Variants in PDE4D observed in about 807,000 individuals in gnomAD.
PDE4D encodes 3',5'-cyclic-AMP phosphodiesterase 4D.
Under a neutral mutation model 87.4 loss-of-function variants are expected in PDE4D, and 24 were observed. That is an observed-to-expected ratio of 0.27 (90% CI 0.20 to 0.39). The LOEUF (loss-of-function observed/expected upper bound fraction) is 0.39. Among genes scored for constraint, PDE4D ranks in the 10% least tolerant of loss-of-function variants. The probability of loss-of-function intolerance (pLI) is 1.00; values close to 1 mark genes in which losing one functional copy is unlikely to be tolerated. For synonymous variants in PDE4D, 384 were observed against 383.2 expected (o/e 1.00, Z -0.02); for missense variants, 714 against 1,041.0 (o/e 0.69, Z 4.32).
At chr5:59,376,065 C>T (rs1784676671) in intron 1 of PDE4D, among the ~76,000 whole-genome samples, 1 of 152,128 alleles carries the variant, frequency 6.6e-6, no homozygotes, top group Non-Finnish European at 1.5e-5. Context: ...CAATGATATA[C>T]CCACAGTCAA....
At chr5:59,012,014 G>A (rs2936199) in intron 6 of PDE4D, among the ~76,000 whole-genome samples, 127,621 of 152,142 alleles carry the variant, frequency 0.84, 53,606 homozygotes, top group Admixed American at 0.9. Flanking sequence ...ATTCTTAAAG[G>A]AAAGAATTTT....
chr5:59,390,816 C>T (rs1209201457), intron 1 of PDE4D, among the ~76,000 whole-genome samples: 3 of 151,970 alleles, frequency 2.0e-5, no homozygotes, highest in Non-Finnish European at 4.4e-5. Context: ...ATAAAATGGC[C>T]TCCCATTAGA....
intron 1 of PDE4D, among the ~76,000 whole-genome samples, chr5:59,686,454 T>A (rs562531523): frequency 5.3e-4 from 81 of 152,284 alleles, no homozygotes; most frequent in African/African-American, 1.8e-3. Flanking sequence ...CCCACTTTCA[T>A]GATCTTTATG....
chr5:58,986,265 A>G (rs1280007513), intron 11 of PDE4D, among the ~76,000 whole-genome samples: 1 of 152,150 alleles, frequency 6.6e-6, no homozygotes, highest in Non-Finnish European at 1.5e-5. Context: ...TTCCTCCACT[A>G]TTTCATTGGT....
At chr5:59,535,855 T>C (rs533920017) in intron 1 of PDE4D, among the ~76,000 whole-genome samples, 85 of 152,358 alleles carry the variant, frequency 5.6e-4, no homozygotes, top group Non-Finnish European at 2.4e-4. Flanking sequence ...AGTTTATAAA[T>C]GGCAGGTCCT....
At chr5:59,722,278 T>C (rs541461078) in intron 1 of PDE4D, among the ~76,000 whole-genome samples, 2 of 152,346 alleles carry the variant, frequency 1.3e-5, no homozygotes, top group South Asian at 2.1e-4. Context: ...TTTGATCATA[T>C]TAATGAGTGA....
intron 2 of PDE4D, among the ~76,000 whole-genome samples, chr5:60,052,835 GCAAAGTCTCAGGATA>G (rs1474588835): frequency 2.0e-5 from 3 of 152,274 alleles, no homozygotes; most frequent in Admixed American, 6.5e-5. Flanking sequence ...AGCAACTTCA[GCAAAGTCTCAGGATA>G]CAAAATCAAT....
intron 2 of PDE4D, among the ~76,000 whole-genome samples, chr5:60,164,813 GT>G (rs2149469676): frequency 6.6e-6 from 1 of 152,210 alleles, no homozygotes; most frequent in East Asian, 1.9e-4. Context: ...ACAAAATGAT[GT>G]TTTGAAGTAT....
intron 2 of PDE4D, among the ~76,000 whole-genome samples, chr5:60,136,872 T>C (rs1780095911): frequency 6.6e-6 from 1 of 152,122 alleles, no homozygotes; most frequent in African/African-American, 2.4e-5. Context: ...AGGTAAATTG[T>C]GCCATGGTGG....
chr5:60,181,001 T>C (rs1413093147), intron 2 of PDE4D, among the ~76,000 whole-genome samples: 2 of 152,064 alleles, frequency 1.3e-5, no homozygotes, highest in African/African-American at 4.8e-5. Context: ...TAGGAAGGAA[T>C]TTGTTATTTT....
intron 1 of PDE4D, among the ~76,000 whole-genome samples, chr5:59,892,337 G>A (rs1169260221): frequency 6.6e-6 from 1 of 152,142 alleles, no homozygotes. Flanking sequence ...ACGTTAAGGG[G>A]AAATCACTAT....
chr5:59,728,072 T>C (rs954737327), intron 1 of PDE4D, among the ~76,000 whole-genome samples: 1 of 152,024 alleles, frequency 6.6e-6, no homozygotes, highest in Non-Finnish European at 1.5e-5. Flanking sequence ...TAGCACCCAG[T>C]TTTGTAGGTC....
intron 1 of PDE4D, chr5:59,275,768 T>A: frequency 3.0e-6 from 3 of 999,206 alleles, no homozygotes; most frequent in Non-Finnish European, 3.6e-6. Context: ...AATTCCATAG[T>A]AACAGCTTTA....
intron 1 of PDE4D, among the ~76,000 whole-genome samples, chr5:59,511,614 A>C (rs999182706): frequency 2.0e-5 from 3 of 152,058 alleles, no homozygotes; most frequent in East Asian, 1.9e-4. Flanking sequence ...AGAAATTCAC[A>C]AAACTAGAAA....
intron 1 of PDE4D, among the ~76,000 whole-genome samples, chr5:59,237,876 G>A (rs1456736433): frequency 6.6e-6 from 1 of 151,850 alleles, no homozygotes; most frequent in Non-Finnish European, 1.5e-5. Context: ...CACAGAGTAA[G>A]TCCTCATTAT....
At chr5:60,465,223 T>G (rs1237189590) in intron 1 of PDE4D, among the ~76,000 whole-genome samples, 1 of 152,184 alleles carries the variant, frequency 6.6e-6, no homozygotes, top group Admixed American at 6.5e-5. Flanking sequence ...ATATTAGTCC[T>G]TGGCATTATT....
chr5:59,900,247 A>AAAAT (rs1554108771), intron 3 of PDE4D, among the ~76,000 whole-genome samples: 2 of 110,422 alleles, frequency 1.8e-5, no homozygotes, highest in African/African-American at 3.3e-5. Flanking sequence ...ATCAAAAAAA[A>AAAAT]ATATATATAT....
chr5:60,091,880 G>A (rs945829709), intron 2 of PDE4D, among the ~76,000 whole-genome samples: 163 of 151,416 alleles, frequency 1.1e-3, no homozygotes, highest in African/African-American at 3.5e-3. Context: ...GTGAAACCCC[G>A]TCTCTACTAA....
At chr5:59,643,457 G>C (rs1002979708) in intron 1 of PDE4D, among the ~76,000 whole-genome samples, 1 of 152,158 alleles carries the variant, frequency 6.6e-6, no homozygotes, top group Non-Finnish European at 1.5e-5. Context: ...GAAACTTTTG[G>C]GGGTGATATA....
Sources: gnomAD v4.1 joint callset for allele counts (sites outside exome capture counted in the v4.1 genomes callset) on GRCh38, gnomAD v4.1.1 for gene constraint, MANE v1.5 for transcripts, NCBI Gene and HGNC (gene_info 2026-07-23, HGNC 2026-07-21) for gene names.